ITGB5: variants seen among roughly 807,000 people sequenced by gnomAD.
The protein encoded by ITGB5 is integrin beta-5.
In ITGB5, 38 loss-of-function variants were observed where a neutral mutation model predicts 84.8. The observed-to-expected ratio is 0.45, with a 90% CI of 0.35 to 0.59. The LOEUF (loss-of-function observed/expected upper bound fraction) is 0.59. Among genes scored for constraint, ITGB5 ranks in the 20% least tolerant of loss-of-function variants. The pLI, the probability that ITGB5 is intolerant of heterozygous loss-of-function variation, is 0.01. For missense variants in ITGB5, 905 were observed against 1,034.5 expected (o/e 0.87, Z 1.72); for synonymous variants, 393 against 414.4 (o/e 0.95, Z 0.63).
At chr3:124,834,063 C>T (rs955895427) in intron 5 of ITGB5, among the ~76,000 whole-genome samples, 5 of 152,060 alleles carry the variant, frequency 3.3e-5, no homozygotes, top group East Asian at 1.9e-4. Flanking sequence ...AAACAGATTC[C>T]GGGGGAGGAA....
intron 3 of ITGB5, among the ~76,000 whole-genome samples, chr3:124,851,608 AACACACACACACACACAC>A (rs3836319): frequency 8.8e-4 from 128 of 146,040 alleles, no homozygotes; most frequent in Non-Finnish European, 1.6e-3. Context: ...TCAGTAAGAA[AACACACACACACACACAC>A]ACACACACAC....
intron 1 of ITGB5, among the ~76,000 whole-genome samples, chr3:124,899,603 C>G (rs959985514): frequency 6.6e-6 from 1 of 152,000 alleles, no homozygotes; most frequent in Non-Finnish European, 1.5e-5. Context: ...ACCTGGAATC[C>G]AAGCACTTTG....
Position 124,809,032 on chromosome 3 carries a change from A to C in ITGB5, c.1253T>G (p.Ile418Ser), listed in dbSNP as rs369922990. The part of the protein sequence containing the change: ...PGQRKCEGLK[I>S]GDTASFEVSL... ...TGGGGTGAGACTTACCGTGTCCCCA[A>C]TCTTCAGACCCTCACACTTCCTCTG... The change falls in exon 9 of 15, where the codon ATT (isoleucine) becomes AGT (serine). Residue 418 changes from isoleucine (I) to serine (S), a missense_variant. By Grantham distance (142) the Ile-to-Ser change is moderately radical. Coordinates refer to ENST00000296181, the MANE Select transcript of ITGB5 (RefSeq NM_002213.5). 1 of 1,614,054 alleles carries C rather than the reference A, an allele frequency of 6.2e-7. No individual in the cohort carries two copies. Among genetic ancestry groups the C allele is most frequent in the Non-Finnish European group, 8.5e-7 (1 of 1,179,988 alleles).
chr3:124,812,621 A>T (rs1195736265), intron 8 of ITGB5, among the ~76,000 whole-genome samples: 1 of 152,108 alleles, frequency 6.6e-6, no homozygotes, highest in African/African-American at 2.4e-5. Context: ...TCAGGAGGGG[A>T]TTCTCTCACC....
intron 1 of ITGB5, among the ~76,000 whole-genome samples, chr3:124,874,064 A>T (rs1409900672): frequency 4.4e-4 from 2 of 4,570 alleles, no homozygotes; most frequent in African/African-American, 2.1e-3. Flanking sequence ...TAGGTCAAAT[A>T]AAAAAAAAAA....
At chr3:124,895,253 G>A (rs1935078710) in intron 1 of ITGB5, among the ~76,000 whole-genome samples, 1 of 152,308 alleles carries the variant, frequency 6.6e-6, no homozygotes, top group South Asian at 2.1e-4. Context: ...TTGAGACAGG[G>A]TCTCACACTG....
At chr3:124,774,864 C>T (rs888080372) in intron 10 of ITGB5, among the ~76,000 whole-genome samples, 2 of 152,168 alleles carry the variant, frequency 1.3e-5, no homozygotes, top group Admixed American at 6.5e-5. Context: ...GGGATGAATC[C>T]GCACAGTGAC....
chr3:124,843,844 T>C (rs545775095), intron 4 of ITGB5, among the ~76,000 whole-genome samples: 2 of 152,194 alleles, frequency 1.3e-5, no homozygotes, highest in South Asian at 4.2e-4. Context: ...AAATTAAGGA[T>C]TATTAACAAG....
At chr3:124,856,214 A>G (rs848794) in intron 3 of ITGB5, among the ~76,000 whole-genome samples, 128,669 of 152,204 alleles carry the variant, frequency 0.85, 54,775 homozygotes, top group African/African-American at 0.95. Flanking sequence ...CTTCTACAGG[A>G]ACTGCTGTAA....
At chr3:124,844,766 C>T (rs1334810659) in intron 4 of ITGB5, among the ~76,000 whole-genome samples, 1 of 152,180 alleles carries the variant, frequency 6.6e-6, no homozygotes, top group Non-Finnish European at 1.5e-5. Flanking sequence ...AAACCAGAAA[C>T]AGAAAAACTC....
intron 10 of ITGB5, among the ~76,000 whole-genome samples, chr3:124,775,290 G>A (rs527589297): frequency 4.3e-4 from 64 of 149,554 alleles, no homozygotes; most frequent in South Asian, 1.3e-3. Flanking sequence ...GTGAGTGGGT[G>A]CAAGTGTGCA....
chr3:124,805,959 G>A (rs2064395311), intron 9 of ITGB5, among the ~76,000 whole-genome samples: 1 of 152,002 alleles, frequency 6.6e-6, no homozygotes, highest in Non-Finnish European at 1.5e-5. Flanking sequence ...TATAACATAA[G>A]CTGTTTTCTC....
chr3:124,838,163 G>A (rs564396074), intron 5 of ITGB5, among the ~76,000 whole-genome samples: 2 of 151,418 alleles, frequency 1.3e-5, no homozygotes, highest in South Asian at 2.1e-4. Flanking sequence ...GAGTACATGG[G>A]GTTTCATTTC....
intron 10 of ITGB5, among the ~76,000 whole-genome samples, chr3:124,780,919 G>A (rs953750302): frequency 6.6e-6 from 1 of 152,156 alleles, no homozygotes; most frequent in Admixed American, 6.5e-5. Flanking sequence ...CAGATTTCAT[G>A]TGTGTTCTAG....
rs116701628 is a variant in ITGB5 at position 124,893,830 on chromosome 3, A to G, written c.-255+7436T>C. Among the ~76,000 whole-genome samples the G allele has an allele frequency of 9.2e-3, 1,394 of 152,324 alleles. 30 individuals carry two copies. Among genetic ancestry groups the G allele is most frequent in the African/African-American group, 0.031 (1,296 of 41,566 alleles). On this transcript the variant is annotated intron_variant, in intron 1 of 4. Transcript: ENST00000608657. ...AACGGAGTACCAAACAAGTCTCGAC[A>G]GAAATTTTCAACATAGGGATAGGTG...
chr3:124,860,375 T>C (rs1262338478), intron 2 of ITGB5, among the ~76,000 whole-genome samples: 1 of 152,196 alleles, frequency 6.6e-6, no homozygotes, highest in East Asian at 1.9e-4. Flanking sequence ...TATTAGGATT[T>C]GAAAGAACAA....
chr3:124,835,118 A>C (rs778917194), intron 5 of ITGB5, among the ~76,000 whole-genome samples: 1 of 152,194 alleles, frequency 6.6e-6, no homozygotes, highest in Non-Finnish European at 1.5e-5. Context: ...CAAGGCAGGC[A>C]CGTGACTTGT....
intron 1 of ITGB5, among the ~76,000 whole-genome samples, chr3:124,898,424 A>C (rs554382001): frequency 9.9e-5 from 15 of 151,492 alleles, no homozygotes; most frequent in Admixed American, 3.3e-4. Flanking sequence ...CAGGCGGATC[A>C]CGACGTCAGG....
intron 10 of ITGB5, among the ~76,000 whole-genome samples, chr3:124,784,880 G>C (rs1387848063): frequency 6.6e-6 from 1 of 152,216 alleles, no homozygotes; most frequent in African/African-American, 2.4e-5. Flanking sequence ...TTTCAAACTG[G>C]AAACTGTCAT....
Sources: gnomAD v4.1 joint callset for allele counts (sites outside exome capture counted in the v4.1 genomes callset) on GRCh38, gnomAD v4.1.1 for gene constraint, MANE v1.5 for transcripts, NCBI Gene and HGNC (gene_info 2026-07-23, HGNC 2026-07-21) for gene names.